Variants in BSPH1 observed in about 807,000 individuals in gnomAD.
BSPH1 encodes the protein binder of sperm protein homolog 1, also known as binder of sperm 1.
BSPH1 carries 21 observed loss-of-function variants against 22.5 expected under a neutral mutation model. That is an observed-to-expected ratio of 0.93 (90% CI 0.66 to 1.35). BSPH1 has a LOEUF of 1.35. BSPH1 is among the 40% of genes most tolerant of loss of function. BSPH1 has a pLI of 0.00. For missense variants in BSPH1, 141 were observed against 154.2 expected (o/e 0.91, Z 0.45); for synonymous variants, 42 against 53.6 (o/e 0.78, Z 0.95).
chr19:47,980,773 T>A, intron 2 of BSPH1, 148 bp downstream of exon 2: 1 of 521,606 alleles, frequency 1.9e-6, no homozygotes, highest in Non-Finnish European at 3.4e-6. Flanking sequence ...ATTTTTAACA[T>A]GAAATTTACT....
rs562948725 is a variant in BSPH1 at position 47,968,073 on chromosome 19, A to G, written c.*139T>C. 2.6e-5 allele frequency: 4 copies of G among 152,338 alleles called. No individual in the cohort carries two copies. In the East Asian group the frequency reaches 7.7e-4, roughly 29 times the overall value. The allele number at this position is 152,338 out of a possible 1,614,324, so 9.4% of individuals were successfully genotyped here. ...TGGAGAAAAAGAGTTTTATTTTATTAAGAAAATTGGGGGTTACTGTATATC... is the reference window on the plus strand; with the variant it reads ...TGGAGAAAAAGAGTTTTATTTTATTGAGAAAATTGGGGGTTACTGTATATC... On this transcript the variant is annotated 3_prime_UTR_variant, in exon 6 of 6. Transcript: ENST00000344839.
intron 5 of BSPH1, among the ~76,000 whole-genome samples, chr19:47,968,700 A>G (rs1405438586): frequency 7.4e-5 from 11 of 149,606 alleles, no homozygotes; most frequent in South Asian, 2.1e-4. Flanking sequence ...AAAAAAAAAA[A>G]AAAGAAATCA....
intron 1 of BSPH1, among the ~76,000 whole-genome samples, chr19:47,984,911 C>T (rs989311761): frequency 2.6e-5 from 4 of 151,756 alleles, no homozygotes; most frequent in Non-Finnish European, 4.4e-5. Context: ...CCCGTCTCTA[C>T]TAAAAATTAG....
chr19:47,970,482 T>C (rs1343335571), intron 5 of BSPH1, among the ~76,000 whole-genome samples: 3 of 152,224 alleles, frequency 2.0e-5, no homozygotes, highest in African/African-American at 4.8e-5. Context: ...GACTAAAATG[T>C]GTATTTTTAG....
intron 1 of BSPH1, among the ~76,000 whole-genome samples, chr19:47,989,260 C>T (rs567634940): frequency 5.2e-4 from 79 of 151,852 alleles, no homozygotes; most frequent in African/African-American, 1.9e-3. Context: ...ATTCTCCTGC[C>T]TCAGCCTCCT....
At chr19:47,973,148 C>T (rs1357996104) in intron 5 of BSPH1, among the ~76,000 whole-genome samples, 4 of 150,932 alleles carry the variant, frequency 2.7e-5, no homozygotes, top group African/African-American at 4.9e-5. Context: ...ACCTGGGAGG[C>T]GGAGCTTGCA....
intron 1 of BSPH1, among the ~76,000 whole-genome samples, chr19:47,986,115 A>G (rs1034827977): frequency 6.6e-6 from 1 of 152,130 alleles, no homozygotes; most frequent in Non-Finnish European, 1.5e-5. Flanking sequence ...TGGCCTCCCT[A>G]TCGTGGGGAA....
chr19:47,985,553 G>C (rs1261282547), intron 1 of BSPH1, among the ~76,000 whole-genome samples: 1 of 152,174 alleles, frequency 6.6e-6, no homozygotes, highest in African/African-American at 2.4e-5. Flanking sequence ...AGAGTAAGTA[G>C]GCCCGGCATG....
chr19:47,989,110 TTTA>T (rs199985003), intron 1 of BSPH1, among the ~76,000 whole-genome samples: 16,205 of 137,900 alleles, frequency 0.12, 986 homozygotes, highest in Middle Eastern at 0.15. Flanking sequence ...AAGTCACCGT[TTTA>T]TTATTATTAT....
At chr19:47,968,461 G>C (rs1169986584) in intron 5 of BSPH1, among the ~76,000 whole-genome samples, 1 of 150,076 alleles carries the variant, frequency 6.7e-6, no homozygotes, top group African/African-American at 2.5e-5. Flanking sequence ...GCGTTCAAAT[G>C]ATTCTCCTGC....
chr19:47,970,733 G>A (rs1969304193), intron 5 of BSPH1, among the ~76,000 whole-genome samples: 4 of 152,148 alleles, frequency 2.6e-5, no homozygotes, highest in Admixed American at 2.6e-4. Context: ...CCTATTAATA[G>A]TGGACCTGTT....
intron 1 of BSPH1, 48 bp from the exon 2 acceptor site, chr19:47,980,989 A>G (rs373864664): frequency 9.4e-7 from 1 of 1,067,686 alleles, no homozygotes; most frequent in Non-Finnish European, 1.3e-6. Flanking sequence ...TTAAAATAAA[A>G]GAGATGAAAG....
intron 5 of BSPH1, 54 bp downstream of exon 5, chr19:47,976,656 C>A: frequency 7.3e-7 from 1 of 1,370,946 alleles, no homozygotes; most frequent in Non-Finnish European, 9.9e-7. Flanking sequence ...ACTCTAGGTT[C>A]TTTCCAAGGA....
chr19:47,991,197 G>T (rs1467448076), intron 1 of BSPH1, among the ~76,000 whole-genome samples: 1 of 151,914 alleles, frequency 6.6e-6, no homozygotes, highest in East Asian at 1.9e-4. Flanking sequence ...TAAATACAGC[G>T]CCGACCACAC....
At chr19:47,971,378 G>A (rs192797466) in intron 5 of BSPH1, among the ~76,000 whole-genome samples, 128 of 152,160 alleles carry the variant, frequency 8.4e-4, no homozygotes, top group African/African-American at 1.8e-3. Context: ...GCTAGTTTTC[G>A]TATTTTTAGT....
chr19:47,973,996 T>C (rs547516524), intron 5 of BSPH1, among the ~76,000 whole-genome samples: 1 of 152,292 alleles, frequency 6.6e-6, no homozygotes, highest in East Asian at 1.9e-4. Flanking sequence ...CTCAGTGTGA[T>C]CCCATGAGCA....
rs1169024836 is a variant in BSPH1, at chr19:47,981,589, C to G, written c.74-648G>C. Among the ~76,000 whole-genome samples the G allele has an allele frequency of 3.9e-5, 6 of 152,168 alleles. No homozygotes were observed. In the East Asian group the frequency reaches 1.2e-3, roughly 29 times the overall value. ...CATATGGCAATTCAATTTGAATCCC[C>G]CCGGAGGGGTTGGTTCAGTAGGAAG... is the stretch of plus-strand genomic sequence containing the variant. On this transcript the variant is annotated intron_variant, in intron 1 of 5. Transcript: ENST00000344839.
chr19:47,972,463 C>T (rs1051130596), intron 5 of BSPH1, among the ~76,000 whole-genome samples: 3 of 152,092 alleles, frequency 2.0e-5, no homozygotes, highest in Non-Finnish European at 2.9e-5. Context: ...CCAGTGGGCC[C>T]TGGTGTCTGT....
chr19:47,969,958 G>A (rs1457474183), intron 5 of BSPH1, among the ~76,000 whole-genome samples: 1 of 144,502 alleles, frequency 6.9e-6, no homozygotes, highest in Non-Finnish European at 1.5e-5. Context: ...TTCTGAGAGA[G>A]ACTTTTAGAA....
Sources: gnomAD v4.1 joint callset for allele counts (sites outside exome capture counted in the v4.1 genomes callset) on GRCh38, gnomAD v4.1.1 for gene constraint, MANE v1.5 for transcripts, NCBI Gene and HGNC (gene_info 2026-07-23, HGNC 2026-07-21) for gene names.